The following CNTN1 variants were observed in gnomAD, a reference collection of about 807,000 sequenced individuals.
CNTN1 encodes the protein contactin-1.
In CNTN1, 38 loss-of-function variants were observed where a neutral mutation model predicts 126.4. The observed-to-expected ratio is 0.30, with a 90% CI of 0.23 to 0.39. The LOEUF (loss-of-function observed/expected upper bound fraction) is 0.39. Among genes scored for constraint, CNTN1 ranks in the 10% least tolerant of loss-of-function variants. The pLI is 1.00. For synonymous variants in CNTN1, 413 were observed against 422.6 expected (o/e 0.98, Z 0.28); for missense variants, 1,009 against 1,248.4 (o/e 0.81, Z 2.89).
At chr12:40,813,757 G>A (rs538180436) in intron 1 of CNTN1, among the ~76,000 whole-genome samples, 94 of 152,266 alleles carry the variant, frequency 6.2e-4, no homozygotes, top group Non-Finnish European at 1.2e-3. Flanking sequence ...CTAGATCCTT[G>A]AGGAATCACC....
chr12:40,981,359 C>T (rs1242150490), intron 16 of CNTN1, among the ~76,000 whole-genome samples: 1 of 151,990 alleles, frequency 6.6e-6, no homozygotes, highest in Non-Finnish European at 1.5e-5. Context: ...AGATTTACTG[C>T]CCCAAAATCA....
chr12:40,937,809 G>A (rs56242204), intron 11 of CNTN1, 122 bp downstream of exon 11: 321 of 735,012 alleles, frequency 4.4e-4, no homozygotes, highest in Non-Finnish European at 6.8e-4. Flanking sequence ...TATGTTGGTT[G>A]TTTACTGATT....
intron 1 of CNTN1, among the ~76,000 whole-genome samples, chr12:40,863,093 T>C (rs978634755): frequency 9.2e-5 from 14 of 152,300 alleles, no homozygotes; most frequent in African/African-American, 3.4e-4. Context: ...ACTGTCCTAA[T>C]GACAAAAATT....
At chr12:40,922,581 G>T (rs1331722878) in intron 5 of CNTN1, among the ~76,000 whole-genome samples, 153 bp downstream of exon 5, 1 of 152,116 alleles carries the variant, frequency 6.6e-6, no homozygotes, top group African/African-American at 2.4e-5. Flanking sequence ...AGACAACAAA[G>T]CACCACAAGG....
rs571396563 is a variant in CNTN1, at chr12:40,770,883, C to T, written c.-77+78291C>T. Reference sequence around the variant, plus strand: ...ATAAATATAAAATATGAAGCTATTACATTTTACTAGTGACAATGAAATAAG... The same window carrying T: ...ATAAATATAAAATATGAAGCTATTATATTTTACTAGTGACAATGAAATAAG... On this transcript the variant is annotated intron_variant, in intron 1 of 23. Coordinates refer to ENST00000551295, the MANE Select transcript of CNTN1 (RefSeq NM_001843.4). Among the ~76,000 whole-genome samples the T allele has an allele frequency of 4.9e-4, 75 of 152,072 alleles. No homozygotes were observed. The South Asian group carries it at 8.7e-3, about 18-fold the overall frequency.
chr12:40,943,783 T>C (rs910966373), intron 13 of CNTN1, 59 bp downstream of exon 13: 1 of 1,572,736 alleles, frequency 6.4e-7, no homozygotes, highest in African/African-American at 1.4e-5. Flanking sequence ...GATTCAGCAC[T>C]AAGCATCTAA....
chr12:40,878,510 C>T (rs1267018210), intron 1 of CNTN1, among the ~76,000 whole-genome samples: 1 of 152,048 alleles, frequency 6.6e-6, no homozygotes, highest in East Asian at 1.9e-4. Flanking sequence ...TTAAAAAAAT[C>T]GGAGTCCATT....
intron 1 of CNTN1, among the ~76,000 whole-genome samples, chr12:40,891,309 C>A (rs1057319537): frequency 6.6e-6 from 1 of 152,132 alleles, no homozygotes; most frequent in Admixed American, 6.6e-5. Context: ...CTGCCTATGG[C>A]TTGTCTTCTC....
chr12:41,064,769 C>CTAGGTAGA (rs1803558526), intron 23 of CNTN1, among the ~76,000 whole-genome samples: 1 of 150,600 alleles, frequency 6.6e-6, no homozygotes, highest in African/African-American at 2.5e-5. Flanking sequence ...TGCTACCTCT[C>CTAGGTAGA]TAGATAGATA....
chr12:40,930,523 G>T lies in CNTN1; in HGVS notation c.703+521G>T, dbSNP rs184371813. Among the ~76,000 whole-genome samples the T allele has an allele frequency of 3.3e-5, 5 of 152,056 alleles. No individual in the cohort carries two copies. The East Asian group carries it at 7.7e-4, about 24-fold the overall frequency. On this transcript the variant is annotated intron_variant, in intron 7 of 23. Coordinates refer to ENST00000551295, the MANE Select transcript of CNTN1 (RefSeq NM_001843.4). ...TGAGGTGCTACCCTGGTAGCACCAT[G>T]GCAGATGACACTGACAATCTGATTG...
chr12:40,728,176 A>G (rs1256213793), intron 1 of CNTN1, among the ~76,000 whole-genome samples: 3 of 152,224 alleles, frequency 2.0e-5, no homozygotes, highest in African/African-American at 4.8e-5. Flanking sequence ...GAGAAAACAT[A>G]ATGAAAGTAG....
chr12:40,741,742 T>G (rs1296640333), intron 1 of CNTN1, among the ~76,000 whole-genome samples: 2 of 152,068 alleles, frequency 1.3e-5, no homozygotes, highest in Non-Finnish European at 2.9e-5. Flanking sequence ...TCAGACTTAT[T>G]TTCCTTGATA....
intron 1 of CNTN1, among the ~76,000 whole-genome samples, chr12:40,745,159 A>G (rs1185142897): frequency 1.3e-5 from 2 of 152,162 alleles, no homozygotes; most frequent in African/African-American, 4.8e-5. Flanking sequence ...GTTCTGCCAA[A>G]TATCTTCAGA....
intron 1 of CNTN1, among the ~76,000 whole-genome samples, chr12:40,807,121 T>G (rs1387241019): frequency 6.6e-6 from 1 of 152,036 alleles, no homozygotes; most frequent in African/African-American, 2.4e-5. Flanking sequence ...CCCTAAAGGA[T>G]GGATACTTAC....
At chr12:40,858,084 C>T (rs1942975548) in intron 1 of CNTN1, among the ~76,000 whole-genome samples, 1 of 152,142 alleles carries the variant, frequency 6.6e-6, no homozygotes, top group Non-Finnish European at 1.5e-5. Context: ...TTGGTGTTCT[C>T]TTTCAGTTGT....
chr12:40,980,469 C>T lies in CNTN1; in HGVS notation c.1805-440C>T, dbSNP rs11833271. 5.4e-3 allele frequency among the ~76,000 whole-genome samples: 780 copies of T among 143,980 alleles called. 8 individuals carry two copies. Among genetic ancestry groups the T allele is most frequent in the African/African-American group, 0.019 (740 of 39,550 alleles). 94.5% of individuals were successfully genotyped at this position (143,980 alleles called of 152,430 possible). ...AACTCAAAAAAAAAAAAAAAAGCCACAAAGAACAAAGAGGATGTGTTCAGT... is the reference window on the plus strand; with the variant it reads ...AACTCAAAAAAAAAAAAAAAAGCCATAAAGAACAAAGAGGATGTGTTCAGT... On this transcript the variant is annotated intron_variant, in intron 15 of 23. Coordinates refer to ENST00000551295, the MANE Select transcript of CNTN1 (RefSeq NM_001843.4).
chr12:40,820,641 G>C (rs569498196), intron 1 of CNTN1, among the ~76,000 whole-genome samples: 1 of 151,440 alleles, frequency 6.6e-6, no homozygotes, highest in Non-Finnish European at 1.5e-5. Flanking sequence ...CCTTTTTAGG[G>C]GGATCACAGC....
At chr12:40,819,230 TG>T (rs1200667366) in intron 1 of CNTN1, among the ~76,000 whole-genome samples, 2 of 152,192 alleles carry the variant, frequency 1.3e-5, no homozygotes, top group African/African-American at 2.4e-5. Context: ...TGTGTTTTGC[TG>T]GGGGGAAGCC....
chr12:40,797,012 C>T (rs11178434), intron 1 of CNTN1, among the ~76,000 whole-genome samples: 4,686 of 152,140 alleles, frequency 0.031, 150 homozygotes, highest in African/African-American at 0.083. Context: ...TTAGTTCAAC[C>T]CTCTCACAGT....
Sources: allele counts gnomAD v4.1 joint callset (sites outside exome capture counted in the v4.1 genomes callset), GRCh38; gene constraint gnomAD v4.1.1; transcripts MANE v1.5; gene names NCBI Gene and HGNC (gene_info 2026-07-23, HGNC 2026-07-21).